The following ZFYVE26 variants were observed in gnomAD, a reference collection of about 807,000 sequenced individuals.
The protein encoded by ZFYVE26 is zinc finger FYVE domain-containing protein 26.
ZFYVE26 carries 181 observed loss-of-function variants against 276.5 expected under a neutral mutation model. That is an observed-to-expected ratio of 0.65 (90% CI 0.58 to 0.74). The LOEUF (loss-of-function observed/expected upper bound fraction) is 0.74. Ranked by LOEUF, ZFYVE26 falls within the 30% of genes least tolerant of loss-of-function variation. ZFYVE26 has a pLI of 0.00. For missense variants in ZFYVE26, 2,821 were observed against 3,097.9 expected (o/e 0.91, Z 2.12); for synonymous variants, 1,129 against 1,203.1 (o/e 0.94, Z 1.27).
chr14:67,768,672 T>C, intron 29 of ZFYVE26, 124 bp from the exon 30 acceptor site: 1 of 922,436 alleles, frequency 1.1e-6, no homozygotes, highest in Non-Finnish European at 1.8e-6. Context: ...GAGGGTAGAA[T>C]TGTTGAATGA....
intron 21 of ZFYVE26, 147 bp downstream of exon 21, chr14:67,782,633 C>T (rs1413439797): frequency 7.3e-7 from 1 of 1,361,882 alleles, no homozygotes; most frequent in Non-Finnish European, 1.0e-6. Flanking sequence ...GTTTCCTAAC[C>T]CCTCTGAGAC....
chr14:67,777,590 C>T lies in ZFYVE26; in HGVS notation c.4943G>A (p.Arg1648His), dbSNP rs1358427099. 13 of 1,613,980 alleles carry T rather than the reference C, an allele frequency of 8.1e-6. No individual in the cohort carries two copies. Among genetic ancestry groups the T allele is most frequent in the Admixed American group, 5.0e-5 (3 of 60,004 alleles). ...FYGQLTAVRH[R>H]EIQALYVGSK... ...TCCCACATACAGCGCCTGGATTTCA[C>T]GGTGTCGGACAGCAGTCAGTTGTCC... Residue 1648 changes from arginine to histidine, a missense_variant, in exon 25 of 42, where the codon CGT (arginine) becomes CAT (histidine). Coordinates refer to ENST00000347230, the MANE Select transcript of ZFYVE26 (RefSeq NM_015346.4).
rs754942113 is a variant in ZFYVE26, at chr14:67,781,429, C to T, written c.4473G>A (p.Leu1491=). 75 of 1,614,056 alleles carry T rather than the reference C, an allele frequency of 4.6e-5. No homozygotes were observed. The highest frequency in any genetic ancestry group is 6.2e-5 in the Non-Finnish European group (73 of 1,180,036). The change falls in exon 22 of 42, where the codon CTG becomes CTA. Residue 1491 remains leucine, a synonymous_variant. Coordinates refer to ENST00000347230, the MANE Select transcript of ZFYVE26 (RefSeq NM_015346.4). The part of the protein sequence containing the change: ...FVDRWPLESC[L]EILAYCISDT... ...CTGAAATGCAGTAGGCCAGAATCTC[C>T]AGGCATGACTCCAGGGGCCACCTGT...
rs1006922311 is a variant in ZFYVE26, at chr14:67,798,958, G to T, written c.1640-336C>A. ...TCTGATCTTTATTTCTCGCGCCGCG[G>T]TTTCGGTGGGAGGGGCGGGGGTGAT... On this transcript the variant is annotated intron_variant, in intron 10 of 41. Coordinates refer to ENST00000347230, the MANE Select transcript of ZFYVE26 (RefSeq NM_015346.4). 1.9e-5 allele frequency: 21 copies of T among 1,133,910 alleles called. No individual in the cohort carries two copies. The Middle Eastern group carries it at 8.5e-4, about 46-fold the overall frequency. The allele number at this position is 1,133,910 out of a possible 1,614,324, so 70.2% of individuals were successfully genotyped here. A position where few individuals can be genotyped will look rare whatever the true frequency, so the allele number is the denominator to read the frequency against.
chr14:67,791,243 T>C (rs915871432), intron 14 of ZFYVE26, among the ~76,000 whole-genome samples: 2 of 152,208 alleles, frequency 1.3e-5, no homozygotes, highest in Non-Finnish European at 2.9e-5. Context: ...TGAGGAACTT[T>C]CTTAAAAAAA....
Position 67,781,243 on chromosome 14 carries a change from T to A in ZFYVE26, c.4569+90A>T. 2.0e-6 allele frequency: 3 copies of A among 1,497,114 alleles called. No homozygotes were observed. In the South Asian group the frequency reaches 3.4e-5, roughly 17 times the overall value. The allele number at this position is 1,497,114 out of a possible 1,614,324, so 92.7% of individuals were successfully genotyped here. ...GCAAAACCCAGACCTATATTTTCTC[T>A]TTCTTAAAGTCCCCCATCATATAAG... On this transcript the variant is annotated intron_variant, in intron 22 of 41. Coordinates refer to ENST00000347230, the MANE Select transcript of ZFYVE26 (RefSeq NM_015346.4).
chr14:67,753,704 T>C lies in ZFYVE26; in HGVS notation c.7188+3A>G, dbSNP rs757810164. 11 of 1,613,428 alleles carry C rather than the reference T, an allele frequency of 6.8e-6. No homozygotes were observed. Among genetic ancestry groups the C allele is most frequent in the Non-Finnish European group, 8.5e-6 (10 of 1,179,696 alleles). ...AGTATGATTTGAATGATCCAAGTCATACCTGCAGAACACGGAAAGCAATTC... is the reference window on the plus strand; with the variant it reads ...AGTATGATTTGAATGATCCAAGTCACACCTGCAGAACACGGAAAGCAATTC... On this transcript the variant is annotated splice_donor_region_variant and intron_variant, in intron 39 of 41. Coordinates refer to ENST00000347230, the MANE Select transcript of ZFYVE26 (RefSeq NM_015346.4).
Position 67,772,139 on chromosome 14 carries a change from C to A in ZFYVE26, c.5392G>T (p.Val1798Leu). 3 of 1,613,174 alleles carry A rather than the reference C, an allele frequency of 1.9e-6. No homozygotes were observed. The highest frequency in any genetic ancestry group is 2.5e-6 in the Non-Finnish European group (3 of 1,179,796). Reference protein sequence around the residue: ...FPPTQPSQEFVPPATPPARHQ... With the variant: ...FPPTQPSQEFLPPATPPARHQ... Reference sequence around the variant, plus strand: ...CTGGCAGGGGGTGTCGCTGGGGGCACAAATTCCTGTGAGGGCTGGGTTGGT... The same window carrying A: ...CTGGCAGGGGGTGTCGCTGGGGGCAAAAATTCCTGTGAGGGCTGGGTTGGT... The change falls in exon 28 of 42, where the codon GTG becomes TTG. Residue 1798 changes from valine (V) to leucine (L), a missense_variant. By Grantham distance (32) the Val-to-Leu change is conservative. Transcript: ENST00000347230.
downstream of ZFYVE26, among the ~76,000 whole-genome samples, chr14:67,743,699 G>C (rs1222603695): frequency 6.6e-6 from 1 of 152,170 alleles, no homozygotes; most frequent in East Asian, 1.9e-4. Context: ...GGCAGATCTG[G>C]TGTGGGAAAG....
intron 5 of ZFYVE26, 70 bp from the exon 6 acceptor site, chr14:67,806,745 C>T (rs1411665626): frequency 1.3e-6 from 2 of 1,588,034 alleles, no homozygotes; most frequent in Admixed American, 1.7e-5. Context: ...CCCATTTGAA[C>T]AACCAAGTGA....
intron 27 of ZFYVE26, among the ~76,000 whole-genome samples, chr14:67,773,692 G>A (rs2039271432): frequency 6.6e-6 from 1 of 152,090 alleles, no homozygotes; most frequent in African/African-American, 2.4e-5. Context: ...CATGAAGCAT[G>A]GCTAATTCTC....
At chr14:67,732,475 C>T (rs925053803) in intron 13 of ZFYVE26, among the ~76,000 whole-genome samples, 2 of 141,596 alleles carry the variant, frequency 1.4e-5, no homozygotes, top group East Asian at 2.3e-4. Flanking sequence ...AGTATGATCC[C>T]GGTTTTATGT....
At chr14:67,754,324 T>A in intron 37 of ZFYVE26, 112 bp from the exon 38 acceptor site, 1 of 1,437,674 alleles carries the variant, frequency 7.0e-7, no homozygotes, top group Non-Finnish European at 9.7e-7. Context: ...ACAAATGATA[T>A]AGTGGGAAAA....
chr14:67,799,146 A>G (rs2040028047), intron 10 of ZFYVE26: 3 of 1,530,192 alleles, frequency 2.0e-6, no homozygotes, highest in Non-Finnish European at 2.7e-6. Context: ...CTCTTTAAAA[A>G]GATATCTTTA....
At position 67,777,549 on chromosome 14, in the gene ZFYVE26, G is replaced by C; in HGVS notation, c.4974+10C>G. Reference sequence around the variant, plus strand: ...ACATACAGCGCCTGGATTTCACGGTGTATCCTTACCTTGGATCCCACATAC... The same window carrying C: ...ACATACAGCGCCTGGATTTCACGGTCTATCCTTACCTTGGATCCCACATAC... On this transcript the variant is annotated intron_variant, in intron 25 of 41. Coordinates refer to ENST00000347230, the MANE Select transcript of ZFYVE26 (RefSeq NM_015346.4). 1 of 1,613,362 alleles carries C rather than the reference G, an allele frequency of 6.2e-7. No homozygotes were observed. The highest frequency in any genetic ancestry group is 8.5e-7 in the Non-Finnish European group (1 of 1,179,854).
At chr14:67,753,364 T>C (rs2038698426) in intron 39 of ZFYVE26, among the ~76,000 whole-genome samples, 1 of 152,208 alleles carries the variant, frequency 6.6e-6, no homozygotes, top group Admixed American at 6.5e-5. Context: ...GGAACAGCCC[T>C]TGTGGCCAGT....
chr14:67,736,514 A>T (rs922327959), intron 13 of ZFYVE26, among the ~76,000 whole-genome samples: 7 of 152,342 alleles, frequency 4.6e-5, no homozygotes, highest in Middle Eastern at 3.4e-3. Context: ...ATGTGGACTA[A>T]AAGGCAAAAA....
In ZFYVE26 at chr14:67,771,943, C is replaced by T. The variant is rs72723179; in HGVS notation, c.5484+104G>A. 21,960 of 1,449,840 alleles carry T rather than the reference C, an allele frequency of 0.015. 211 individuals carry two copies. Among genetic ancestry groups the T allele is most frequent in the Non-Finnish European group, 0.018 (19,105 of 1,056,092 alleles). The allele number at this position is 1,449,840 out of a possible 1,614,324, so 89.8% of individuals were successfully genotyped here. ...TTAGATTTGGCAGTTCTGAAAATAC[C>T]GATATTCTCCTGGGGACAGGCGGTG... On this transcript the variant is annotated intron_variant, in intron 28 of 41. Transcript: ENST00000347230.
chr14:67,768,655 G>A, intron 29 of ZFYVE26, 107 bp from the exon 30 acceptor site: 1 of 1,055,550 alleles, frequency 9.5e-7, no homozygotes, highest in Non-Finnish European at 1.5e-6. Context: ...ACAATGGAGG[G>A]CTCTTTGAGG....
Sources: allele counts gnomAD v4.1 joint callset (sites outside exome capture counted in the v4.1 genomes callset), GRCh38; gene constraint gnomAD v4.1.1; transcripts MANE v1.5; gene names NCBI Gene and HGNC (gene_info 2026-07-23, HGNC 2026-07-21).